CDK12: variants seen among roughly 807,000 people sequenced by gnomAD.
CDK12 encodes the protein cyclin-dependent kinase 12.
CDK12 carries 17 observed loss-of-function variants against 133.8 expected under a neutral mutation model. That is an observed-to-expected ratio of 0.13 (90% CI 0.09 to 0.19). CDK12 has a LOEUF of 0.19. Among genes scored for constraint, CDK12 ranks in the 10% least tolerant of loss-of-function variants. The pLI is 1.00. For missense variants in CDK12, 1,508 were observed against 1,818.7 expected, an observed-to-expected ratio of 0.83 and a Z score of 3.11; for synonymous variants, 694 against 683.6, an observed-to-expected ratio of 1.02 and a Z score of -0.24.
At chr17:39,490,531 G>A in intron 2 of CDK12, 26 bp from the exon 3 acceptor site, 1 of 1,519,102 alleles carries the variant, frequency 6.6e-7, no homozygotes, top group Non-Finnish European at 8.9e-7. Flanking sequence ...TTGTAATTTT[G>A]TCATCTCTTC....
Position 39,560,008 on chromosome 17 carries a change from G to T in CDK12, n.484+3595G>T, listed in dbSNP as rs192629393. Among the ~76,000 whole-genome samples the T allele has an allele frequency of 6.0e-3, 914 of 152,224 alleles. 16 individuals are homozygous for T. Among genetic ancestry groups the T allele is most frequent in the African/African-American group, 0.021 (872 of 41,530 alleles). On this transcript the variant is annotated intron_variant and non_coding_transcript_variant, in intron 3 of 3. Transcript: ENST00000558240. ...AATGGGGCCTTGCTATGTTGCCCAG[G>T]GTGGTCTCAAACTCCTAGCCGCAAG...
intron 13 of CDK12, among the ~76,000 whole-genome samples, chr17:39,529,654 T>G (rs2054708444): frequency 6.6e-6 from 1 of 152,228 alleles, no homozygotes. Flanking sequence ...GAGTTCATTA[T>G]CAGACAATGT....
At chr17:39,471,908 A>G in intron 2 of CDK12, 145 bp downstream of exon 2, 1 of 729,492 alleles carries the variant, frequency 1.4e-6, no homozygotes. Flanking sequence ...TAATTATGAC[A>G]TTATTACTTG....
intron 3 of CDK12, among the ~76,000 whole-genome samples, chr17:39,560,348 T>C (rs1220703393): frequency 6.6e-6 from 1 of 152,248 alleles, no homozygotes; most frequent in Non-Finnish European, 1.5e-5. Flanking sequence ...TCTCTCACTT[T>C]GTACTCATTA....
intron 2 of CDK12, among the ~76,000 whole-genome samples, chr17:39,482,527 A>G (rs924520025): frequency 2.0e-5 from 3 of 150,072 alleles, no homozygotes; most frequent in African/African-American, 2.4e-5. Flanking sequence ...ATCTTTGTGC[A>G]GGGGCCATGA....
At chr17:39,522,818 C>T (rs60407362) in intron 11 of CDK12, among the ~76,000 whole-genome samples, 15,787 of 151,068 alleles carry the variant, frequency 0.1, 892 homozygotes, top group African/African-American at 0.15. Context: ...TTTGGGAGGC[C>T]GAGGTGGATG....
intron 1 of CDK12, among the ~76,000 whole-genome samples, chr17:39,464,110 A>G (rs2049129788): frequency 6.6e-6 from 1 of 152,304 alleles, no homozygotes; most frequent in African/African-American, 2.4e-5. Context: ...AAATTAGTCA[A>G]TTTGAAGTGC....
chr17:39,494,121 G>A (rs555753476), intron 4 of CDK12, among the ~76,000 whole-genome samples: 3 of 152,150 alleles, frequency 2.0e-5, no homozygotes, highest in East Asian at 3.9e-4. Context: ...GCAATGATGC[G>A]ATCTCAGCTC....
intron 1 of CDK12, among the ~76,000 whole-genome samples, chr17:39,465,779 A>T (rs763939511): frequency 8.6e-5 from 13 of 152,030 alleles, no homozygotes; most frequent in Non-Finnish European, 1.6e-4. Context: ...GCGTGAGCCA[A>T]TGCGCACAGC....
intron 5 of CDK12, among the ~76,000 whole-genome samples, chr17:39,499,589 G>A (rs1403340734): frequency 6.7e-6 from 1 of 148,348 alleles, no homozygotes; most frequent in Non-Finnish European, 1.5e-5. Flanking sequence ...AGCTCACTGC[G>A]ACCTCTGCCT....
At chr17:39,519,346 C>T (rs1366656740) in intron 10 of CDK12, among the ~76,000 whole-genome samples, 1 of 114,478 alleles carries the variant, frequency 8.7e-6, no homozygotes, top group Admixed American at 1.1e-4. Flanking sequence ...CACTCTGTCA[C>T]CTAGGCTGGA....
chr17:39,565,182 C>T (rs1277050817), downstream of CDK12, among the ~76,000 whole-genome samples: 2 of 152,266 alleles, frequency 1.3e-5, no homozygotes, highest in South Asian at 2.1e-4. Flanking sequence ...GGTGTAATCT[C>T]GGCTCACTGC....
At chr17:39,502,175 C>T (rs1037543584) in intron 6 of CDK12, among the ~76,000 whole-genome samples, 1 of 139,030 alleles carries the variant, frequency 7.2e-6, no homozygotes, top group Admixed American at 7.3e-5. Flanking sequence ...TTTTTTGAAA[C>T]GGAGTCTTGC....
intron 10 of CDK12, 27 bp downstream of exon 10, chr17:39,517,583 G>A (rs748820078): frequency 1.4e-5 from 19 of 1,372,542 alleles, no homozygotes; most frequent in Admixed American, 1.2e-4. Flanking sequence ...TGAACATCTC[G>A]TTTCTGTGTC....
rs145188282 is a variant in CDK12, at chr17:39,471,171, T to A, written c.1339T>A (p.Leu447Ile). The A allele has an allele frequency of 2.4e-4, 372 of 1,580,546 alleles. No individual in the cohort carries two copies. The highest frequency in any genetic ancestry group is 3.1e-4 in the Non-Finnish European group (364 of 1,167,900). The change falls in exon 2 of 14, where the codon TTA (leucine) becomes ATA (isoleucine). Residue 447 changes from leucine to isoleucine, a missense_variant. Physicochemically the swap from Leu to Ile is conservative, Grantham distance 5 (BLOSUM62 2). Around this residue, in one of 9 missense-constraint regions of CDK12, gnomAD observed 347 missense variants for 330.8 expected, o/e 1.05. Coordinates refer to ENST00000447079, the MANE Select transcript of CDK12 (RefSeq NM_016507.4). Reference sequence around the variant, plus strand: ...GGATTCAGGTTTGGAGTCTAAAAAGTTACCCAGAAGTGTAAAATTGGAAAA... The same window carrying A: ...GGATTCAGGTTTGGAGTCTAAAAAGATACCCAGAAGTGTAAAATTGGAAAA... Reference protein sequence around the residue: ...AKDSGLESKKLPRSVKLEKSA... With the variant: ...AKDSGLESKKIPRSVKLEKSA...
chr17:39,548,957 AT>A (rs1352726510), upstream of CDK12: 1 of 152,348 alleles, frequency 6.6e-6, no homozygotes, highest in Admixed American at 6.5e-5. Context: ...TGCTGCTGGA[AT>A]TACTGCACAG....
At chr17:39,527,807 A>G (rs1322761297) in intron 13 of CDK12, among the ~76,000 whole-genome samples, 1 of 152,094 alleles carries the variant, frequency 6.6e-6, no homozygotes, top group Non-Finnish European at 1.5e-5. Context: ...TCAGCCTCCC[A>G]TAGTGCTGGG....
intron 3 of CDK12, among the ~76,000 whole-genome samples, chr17:39,557,397 C>A (rs2056200517): frequency 2.6e-5 from 4 of 152,168 alleles, no homozygotes; most frequent in Admixed American, 2.6e-4. Context: ...TCTAGTTTGA[C>A]ACCTTGGGGT....
chr17:39,548,717 G>A (rs1198433350), upstream of CDK12, among the ~76,000 whole-genome samples: 1 of 152,196 alleles, frequency 6.6e-6, no homozygotes, highest in Non-Finnish European at 1.5e-5. Context: ...AGTGTGGGCT[G>A]CTTTGGGCCA....
Sources: allele counts gnomAD v4.1 joint callset (sites outside exome capture counted in the v4.1 genomes callset), GRCh38; gene constraint gnomAD v4.1.1; regional missense constraint gnomAD v4.1.1; transcripts MANE v1.5; gene names NCBI Gene and HGNC (gene_info 2026-07-23, HGNC 2026-07-21).